Variants in NELL2 observed in about 807,000 individuals in gnomAD.
NELL2 encodes the protein protein kinase C-binding protein NELL2.
NELL2 carries 41 observed loss-of-function variants against 109.6 expected under a neutral mutation model. The observed-to-expected ratio is 0.37, with a 90% CI of 0.29 to 0.49. The LOEUF is 0.49. Among genes scored for constraint, NELL2 ranks in the 20% least tolerant of loss-of-function variants. The probability of loss-of-function intolerance (pLI) is 0.98; values close to 1 mark genes in which losing one functional copy is unlikely to be tolerated. For missense variants in NELL2, 900 were observed against 1,008.3 expected, an observed-to-expected ratio of 0.89 and a Z score of 1.45; for synonymous variants, 355 against 344.7, an observed-to-expected ratio of 1.03 and a Z score of -0.33.
At chr12:44,810,215 C>T (rs1043308616) in intron 3 of NELL2, among the ~76,000 whole-genome samples, 5 of 152,074 alleles carry the variant, frequency 3.3e-5, no homozygotes, top group Non-Finnish European at 5.9e-5. Context: ...CTGTGTATGA[C>T]ATCATGACAG....
chr12:44,852,265 A>C (rs1039876571), intron 2 of NELL2, among the ~76,000 whole-genome samples: 2 of 152,232 alleles, frequency 1.3e-5, no homozygotes, highest in South Asian at 4.1e-4. Context: ...CTGGAAAAAA[A>C]CGTTAACAAA....
intron 11 of NELL2, 34 bp downstream of exon 11, chr12:44,711,258 T>C (rs1938181178): frequency 6.8e-7 from 1 of 1,473,058 alleles, no homozygotes; most frequent in African/African-American, 1.4e-5. Flanking sequence ...TAATAACTCT[T>C]GCACGTAAAC....
chr12:44,626,585 G>A (rs1946273716), intron 13 of NELL2, among the ~76,000 whole-genome samples: 1 of 152,180 alleles, frequency 6.6e-6, no homozygotes, highest in Non-Finnish European at 1.5e-5. Flanking sequence ...GATGAGGACA[G>A]AGACCCTAAT....
At chr12:44,788,903 C>T (rs1247000931) in intron 3 of NELL2, among the ~76,000 whole-genome samples, 1 of 152,100 alleles carries the variant, frequency 6.6e-6, no homozygotes, top group Non-Finnish European at 1.5e-5. Flanking sequence ...CCCCACTTCC[C>T]TAACAACCTT....
chr12:44,834,341 T>A (rs982537685), intron 2 of NELL2, among the ~76,000 whole-genome samples: 4 of 151,876 alleles, frequency 2.6e-5, no homozygotes, highest in Non-Finnish European at 4.4e-5. Context: ...TTTCATAAAA[T>A]ATAAATATAG....
At chr12:44,708,465 C>T (rs553078519) in intron 11 of NELL2, among the ~76,000 whole-genome samples, 1 of 152,288 alleles carries the variant, frequency 6.6e-6, no homozygotes, top group Non-Finnish European at 1.5e-5. Context: ...GATGTGAACA[C>T]ACCATCTTTA....
chr12:44,534,458 C>T (rs1392200492), intron 15 of NELL2, among the ~76,000 whole-genome samples: 1 of 152,074 alleles, frequency 6.6e-6, no homozygotes, highest in African/African-American at 2.4e-5. Context: ...CTGACCAAAT[C>T]GGCTAACCAC....
intron 9 of NELL2, among the ~76,000 whole-genome samples, chr12:44,752,171 T>C (rs1940680903): frequency 6.6e-6 from 1 of 152,210 alleles, no homozygotes; most frequent in Non-Finnish European, 1.5e-5. Flanking sequence ...TACTCTTGAA[T>C]TGATTCAAAT....
chr12:44,620,640 C>T (rs76184045), intron 13 of NELL2, among the ~76,000 whole-genome samples: 1,962 of 152,116 alleles, frequency 0.013, 142 homozygotes, highest in Admixed American at 0.1. Flanking sequence ...TTTCTTCCTC[C>T]AAAACCAGGA....
chr12:44,778,252 T>C (rs1216146973), intron 5 of NELL2, among the ~76,000 whole-genome samples: 2 of 152,200 alleles, frequency 1.3e-5, no homozygotes, highest in Non-Finnish European at 2.9e-5. Flanking sequence ...CTGGTCTCTA[T>C]GTCTTGTACA....
chr12:44,572,655 T>C (rs1025894618), intron 15 of NELL2, among the ~76,000 whole-genome samples: 4 of 152,166 alleles, frequency 2.6e-5, no homozygotes, highest in Non-Finnish European at 4.4e-5. Flanking sequence ...AGCTAGAGAA[T>C]ATAAATATAT....
chr12:44,754,231 C>T (rs1940780649), intron 9 of NELL2, among the ~76,000 whole-genome samples: 1 of 152,118 alleles, frequency 6.6e-6, no homozygotes, highest in Non-Finnish European at 1.5e-5. Flanking sequence ...AAGAAATATG[C>T]TAACAAATCT....
chr12:44,876,335 G>A (rs368157567), upstream of NELL2: 1 of 1,189,854 alleles, frequency 8.4e-7, no homozygotes, highest in Non-Finnish European at 1.0e-6. Context: ...TCCGGGAGAC[G>A]CGCGGAGAGA....
intron 9 of NELL2, among the ~76,000 whole-genome samples, chr12:44,773,904 C>G (rs1592505208): frequency 1.3e-5 from 2 of 151,760 alleles, no homozygotes; most frequent in South Asian, 4.2e-4. Flanking sequence ...TACTGTCTTT[C>G]TCTCCACCCC....
At chr12:44,654,483 C>A (rs111518601) in intron 13 of NELL2, among the ~76,000 whole-genome samples, 1,612 of 152,294 alleles carry the variant, frequency 0.011, 23 homozygotes, top group Middle Eastern at 0.044. Context: ...TTTGTGTAAT[C>A]CCCTTCGGTT....
At chr12:44,838,349 T>C (rs1465216078) in intron 2 of NELL2, among the ~76,000 whole-genome samples, 1 of 152,226 alleles carries the variant, frequency 6.6e-6, no homozygotes, top group Non-Finnish European at 1.5e-5. Flanking sequence ...TTAGGTAATG[T>C]ACAAATTGTA....
chr12:44,571,607 A>C (rs1210337655), intron 15 of NELL2, among the ~76,000 whole-genome samples: 2 of 152,258 alleles, frequency 1.3e-5, no homozygotes, highest in Non-Finnish European at 2.9e-5. Context: ...ATATAAATTG[A>C]TCAAATGAAT....
At chr12:44,596,326 G>A (rs1334888622) in intron 15 of NELL2, among the ~76,000 whole-genome samples, 4 of 152,158 alleles carry the variant, frequency 2.6e-5, no homozygotes, top group African/African-American at 9.7e-5. Flanking sequence ...CCAAATATCA[G>A]AACAGAAAGA....
chr12:44,665,689 G>A, intron 12 of NELL2, 80 bp from the exon 13 acceptor site: 2 of 1,415,358 alleles, frequency 1.4e-6, no homozygotes, highest in Non-Finnish European at 9.4e-7. Context: ...GGTAGGGAGA[G>A]GGAAGTATTT....
Sources: gnomAD v4.1 joint callset for allele counts (sites outside exome capture counted in the v4.1 genomes callset) on GRCh38, gnomAD v4.1.1 for gene constraint, MANE v1.5 for transcripts, NCBI Gene and HGNC (gene_info 2026-07-23, HGNC 2026-07-21) for gene names.